Variants in TMPRSS12 observed in about 807,000 individuals in gnomAD.
TMPRSS12 encodes the protein transmembrane serine protease 12.
A neutral mutation model predicts 26.0 loss-of-function variants in TMPRSS12; 25 were observed. The ratio of observed to expected loss-of-function variants is 0.96; its 90% CI spans 0.70 to 1.34. The LOEUF (loss-of-function observed/expected upper bound fraction) is 1.34. Among genes scored for constraint, TMPRSS12 ranks in the 40% most tolerant of loss-of-function variants. The probability of loss-of-function intolerance (pLI) is 0.00; values close to 1 mark genes in which losing one functional copy is unlikely to be tolerated. For missense variants in TMPRSS12, 441 were observed against 440.1 expected, an observed-to-expected ratio of 1.00 and a Z score of -0.02; for synonymous variants, 150 against 161.7, an observed-to-expected ratio of 0.93 and a Z score of 0.55.
chr12:50,866,198 G>A (rs1025375172), intron 3 of TMPRSS12, among the ~76,000 whole-genome samples: 1 of 152,086 alleles, frequency 6.6e-6, no homozygotes, highest in South Asian at 2.1e-4. Flanking sequence ...GCAGGACTTG[G>A]GAGACACCCC....
chr12:50,857,414 C>T (rs1017346592), intron 2 of TMPRSS12, among the ~76,000 whole-genome samples: 5 of 150,538 alleles, frequency 3.3e-5, no homozygotes, highest in African/African-American at 1.2e-4. Context: ...ACACTTTCTG[C>T]CATGAATAAG....
At chr12:50,884,534 T>A (rs1938204386) in intron 3 of TMPRSS12, among the ~76,000 whole-genome samples, 1 of 152,040 alleles carries the variant, frequency 6.6e-6, no homozygotes, top group Admixed American at 6.6e-5. Context: ...TTGATGAGGA[T>A]GTGAAGAATT....
intron 3 of TMPRSS12, among the ~76,000 whole-genome samples, chr12:50,860,710 A>G (rs962588695): frequency 6.6e-6 from 1 of 152,134 alleles, no homozygotes; most frequent in African/African-American, 2.4e-5. Flanking sequence ...CCTGGTCTCA[A>G]GTAATCCTCC....
Position 50,858,823 on chromosome 12 carries a change from A to T in TMPRSS12, c.422A>T (p.Asn141Ile). ...TGGACAGCTGTGATTGGAACTAATA[A>T]TATACATGGACGCTATCCTCATACC... ...LMWTAVIGTN[N>I]IHGRYPHTKK... Residue 141 changes from asparagine to isoleucine, a missense_variant, in exon 3 of 5, where the codon AAT becomes ATT. By Grantham distance (149) the Asn-to-Ile change is moderately radical. Coordinates refer to ENST00000398458, the MANE Select transcript of TMPRSS12 (RefSeq NM_182559.3). The T allele has an allele frequency of 6.2e-7, 1 of 1,607,320 alleles. No homozygotes were observed. The highest frequency in any genetic ancestry group is 8.5e-7 in the Non-Finnish European group (1 of 1,177,246).
intron 2 of TMPRSS12, 129 bp downstream of exon 2, chr12:50,844,166 C>A: frequency 1.7e-6 from 1 of 587,686 alleles, no homozygotes; most frequent in South Asian, 4.5e-5. Context: ...ATATATAGTA[C>A]AGTGTATTTG....
chr12:50,886,285 C>T (rs1938225442), intron 4 of TMPRSS12: 1 of 143,272 alleles, frequency 7.0e-6, no homozygotes, highest in African/African-American at 2.5e-5. Context: ...ATTTGCAGCA[C>T]AAATGTTAAT....
rs2139716732 is a variant in TMPRSS12 at position 50,843,109 on chromosome 12, A to T, written c.145A>T (p.Lys49Ter). ...ASSQQAEAVR[K>*]RLRRRREGGA... The stretch of plus-strand genomic sequence containing the variant: ...TTCCCAGCAGGCTGAGGCCGTCCGC[A>T]AGAGGCTCCGGCGGCGGAGGGAGGG... Residue 49 changes from lysine (K) to a stop codon, truncating the protein, a stop_gained, in exon 1 of 5, where the codon AAG becomes TAG. Coordinates refer to ENST00000398458, the MANE Select transcript of TMPRSS12 (RefSeq NM_182559.3). LOFTEE classifies it high-confidence loss of function. 1 of 1,578,850 alleles carries T rather than the reference A, an allele frequency of 6.3e-7. No individual in the cohort carries two copies. Among genetic ancestry groups the T allele is most frequent in the East Asian group, 2.3e-5 (1 of 43,480 alleles).
At chr12:50,873,365 A>G (rs1044496275) in intron 3 of TMPRSS12, among the ~76,000 whole-genome samples, 2 of 152,188 alleles carry the variant, frequency 1.3e-5, no homozygotes, top group Non-Finnish European at 2.9e-5. Context: ...AAGAAAGCCA[A>G]AAGACAATGA....
chr12:50,865,075 T>TA (rs1308414455), intron 3 of TMPRSS12, among the ~76,000 whole-genome samples: 1 of 152,156 alleles, frequency 6.6e-6, no homozygotes, highest in Non-Finnish European at 1.5e-5. Flanking sequence ...CCCATGCCTG[T>TA]AATCCTAGCA....
chr12:50,857,986 G>C (rs530221205), intron 2 of TMPRSS12, among the ~76,000 whole-genome samples: 1 of 152,010 alleles, frequency 6.6e-6, no homozygotes, highest in Non-Finnish European at 1.5e-5. Context: ...CCGCCATCAC[G>C]CCCGGCTAAT....
intron 2 of TMPRSS12, among the ~76,000 whole-genome samples, chr12:50,853,581 C>CAAAAAAAAAAAA (rs34657217): frequency 3.9e-5 from 4 of 102,360 alleles, no homozygotes; most frequent in African/African-American, 3.6e-5. Context: ...GCTAGACTAA[C>CAAAAAAAAAAAA]AAAAAAAAAA....
chr12:50,879,517 T>A (rs1389064040), intron 3 of TMPRSS12, among the ~76,000 whole-genome samples: 2 of 152,200 alleles, frequency 1.3e-5, no homozygotes, highest in Admixed American at 6.5e-5. Flanking sequence ...GTTGCATGCA[T>A]TTCCATTTCA....
chr12:50,843,204 C>T (rs1937731312), intron 1 of TMPRSS12, 53 bp downstream of exon 1: 3 of 1,447,986 alleles, frequency 2.1e-6, no homozygotes, highest in Non-Finnish European at 2.7e-6. Flanking sequence ...TTTTCCCCAC[C>T]GCTATAGTCT....
At chr12:50,869,070 A>G (rs1265072949) in intron 3 of TMPRSS12, among the ~76,000 whole-genome samples, 1 of 152,020 alleles carries the variant, frequency 6.6e-6, no homozygotes, top group Admixed American at 6.6e-5. Context: ...CTGACATTCT[A>G]AGGTTATACT....
rs375566380 is a variant in TMPRSS12 at position 50,873,910 on chromosome 12, C to A, written c.653-11336C>A. Among the ~76,000 whole-genome samples the A allele has an allele frequency of 1.2e-4, 18 of 152,122 alleles. No homozygotes were observed. In the East Asian group the frequency reaches 1.7e-3, roughly 15 times the overall value. ...GATCAGAGTCAAACTGGTTTCAGGT[C>A]CCTGTATTATTCAGGAGAAGTATTT... On this transcript the variant is annotated intron_variant, in intron 3 of 4. Transcript: ENST00000398458.
chr12:50,872,617 GTA>G (rs1212358887), intron 3 of TMPRSS12, among the ~76,000 whole-genome samples: 9 of 118,948 alleles, frequency 7.6e-5, no homozygotes, highest in East Asian at 5.1e-4. Flanking sequence ...TATATATGAC[GTA>G]TATATGTACA....
At chr12:50,857,649 TTTGC>T (rs534167774) in intron 2 of TMPRSS12, among the ~76,000 whole-genome samples, 1 of 152,340 alleles carries the variant, frequency 6.6e-6, no homozygotes, top group East Asian at 1.9e-4. Flanking sequence ...GGTTTAGTTT[TTTGC>T]TTGCTTGCTT....
intron 2 of TMPRSS12, among the ~76,000 whole-genome samples, chr12:50,855,698 T>C (rs1294699265): frequency 2.0e-5 from 3 of 152,168 alleles, no homozygotes. Flanking sequence ...AGCAATCCCA[T>C]TACTGGATAT....
intron 3 of TMPRSS12, among the ~76,000 whole-genome samples, chr12:50,874,586 GAAAT>G (rs1938095741): frequency 6.6e-6 from 1 of 152,052 alleles, no homozygotes; most frequent in South Asian, 2.1e-4. Context: ...GCAAGAGAAA[GAAAT>G]AAAAGGTAAC....
Sources: gnomAD v4.1 joint callset for allele counts (sites outside exome capture counted in the v4.1 genomes callset) on GRCh38, gnomAD v4.1.1 for gene constraint, MANE v1.5 for transcripts, NCBI Gene and HGNC (gene_info 2026-07-23, HGNC 2026-07-21) for gene names.